TBC1D9: variants seen among roughly 807,000 people sequenced by gnomAD.
TBC1D9 encodes the protein TBC1 domain family member 9A.
TBC1D9 carries 63 observed loss-of-function variants against 132.0 expected under a neutral mutation model. The ratio of observed to expected loss-of-function variants is 0.48; its 90% CI spans 0.39 to 0.59. TBC1D9 has a LOEUF of 0.59. TBC1D9 is among the 20% of genes least tolerant of loss of function. TBC1D9 has a pLI of 0.00. For synonymous variants in TBC1D9, 610 were observed against 609.9 expected (o/e 1.00, Z 0.00); for missense variants, 1,261 against 1,592.7 (o/e 0.79, Z 3.54).
chr4:140,656,957 C>T (rs980544843), intron 13 of TBC1D9, 140 bp downstream of exon 13: 24 of 1,046,354 alleles, frequency 2.3e-5, no homozygotes, highest in Admixed American at 5.9e-5. Flanking sequence ...TGATTTGGGG[C>T]GTCCCAAAGT....
intron 1 of TBC1D9, among the ~76,000 whole-genome samples, chr4:140,717,890 A>G (rs1738363131): frequency 6.6e-6 from 1 of 152,320 alleles, no homozygotes; most frequent in African/African-American, 2.4e-5. Context: ...GTGGTACCCC[A>G]GGAAATGATG....
chr4:140,730,158 C>G (rs1738564829), intron 1 of TBC1D9, among the ~76,000 whole-genome samples: 1 of 152,144 alleles, frequency 6.6e-6, no homozygotes, highest in East Asian at 1.9e-4. Flanking sequence ...CACTAAAAAG[C>G]TTTTTCTAAG....
rs1177223294 is a variant in TBC1D9 at position 140,677,013 on chromosome 4, T to C, written c.940A>G (p.Thr314Ala). 1 of 1,613,814 alleles carries C rather than the reference T, an allele frequency of 6.2e-7. No individual in the cohort carries two copies. The highest frequency in any genetic ancestry group is 8.5e-7 in the Non-Finnish European group (1 of 1,179,870). ...DEKLDGHTDC[T>A]LWTPFNKMHI... ...ATTTTGTTAAATGGAGTCCAGAGAG[T>C]GCAGTCTGTGTGGCCATCTAATTTT... Residue 314 changes from threonine to alanine, a missense_variant, in exon 6 of 21, where the codon ACT becomes GCT. By Grantham distance (58) the Thr-to-Ala change is moderately conservative. This residue lies in a region of TBC1D9 where 550 missense variants were observed against 699.0 expected (regional missense o/e 0.79). Transcript: ENST00000442267.
intron 1 of TBC1D9, among the ~76,000 whole-genome samples, chr4:140,736,943 C>T (rs1452479663): frequency 3.3e-5 from 5 of 152,170 alleles, no homozygotes; most frequent in East Asian, 1.9e-4. Flanking sequence ...TATCAGCAGT[C>T]TCCAATCTTT....
intron 13 of TBC1D9, among the ~76,000 whole-genome samples, chr4:140,646,995 T>C (rs550060843): frequency 6.6e-6 from 1 of 152,308 alleles, no homozygotes; most frequent in South Asian, 2.1e-4. Flanking sequence ...AAAGAAAAAC[T>C]TTCAAGGAAG....
chr4:140,669,101 A>C (rs1737494859), intron 8 of TBC1D9, 34 bp from the exon 9 acceptor site: 1 of 1,609,778 alleles, frequency 6.2e-7, no homozygotes. Context: ...TGACATCCAA[A>C]GTACCCTGAG....
intron 6 of TBC1D9, among the ~76,000 whole-genome samples, chr4:140,674,691 A>AT (rs112044868): frequency 0.043 from 6,300 of 144,936 alleles, 152 homozygotes; most frequent in Middle Eastern, 0.089. Context: ...ATATATATAT[A>AT]TTTTTTTTTA....
intron 13 of TBC1D9, among the ~76,000 whole-genome samples, chr4:140,647,572 T>C (rs1021042790): frequency 1.3e-5 from 2 of 152,198 alleles, no homozygotes; most frequent in African/African-American, 4.8e-5. Flanking sequence ...GAGATAAAGT[T>C]CCAATAATAG....
Position 140,742,031 on chromosome 4 carries a change from T to C in TBC1D9, c.130+13885A>G, listed in dbSNP as rs548706487. Among the ~76,000 whole-genome samples, 459 of 152,264 alleles carry C rather than the reference T, an allele frequency of 3.0e-3. 1 individual carries two copies. Among genetic ancestry groups the C allele is most frequent in the Non-Finnish European group, 5.2e-3 (351 of 68,016 alleles). On this transcript the variant is annotated intron_variant, in intron 1 of 20. Coordinates refer to ENST00000442267, the MANE Select transcript of TBC1D9 (RefSeq NM_015130.3). Reference sequence around the variant, plus strand: ...GCCTGTAACTTGTGCCCCTAAAATGTACAAAATCAAGCTATAACTCAATGA... The same window carrying C: ...GCCTGTAACTTGTGCCCCTAAAATGCACAAAATCAAGCTATAACTCAATGA...
chr4:140,622,015 T>C lies in TBC1D9; in HGVS notation c.*180A>G, dbSNP rs183075493. 13 of 806,894 alleles carry C rather than the reference T, an allele frequency of 1.6e-5. No homozygotes were observed. In the East Asian group the frequency reaches 1.7e-4, roughly 11 times the overall value. 50.0% of individuals were successfully genotyped at this position (806,894 alleles called of 1,614,324 possible). A position where few individuals can be genotyped will look rare whatever the true frequency, so the allele number is the denominator to read the frequency against. On this transcript the variant is annotated 3_prime_UTR_variant, in exon 21 of 21. Transcript: ENST00000442267. ...GCAACAAGAGTGTAATGTACCTACA[T>C]TGAGGTGTTTAAATATTTCTCCAAC...
rs1736740220 is a variant in TBC1D9 at position 140,628,354 on chromosome 4, G to A, written c.2758C>T (p.His920Tyr). 6.2e-7 allele frequency: 1 copy of A among 1,613,886 alleles called. No homozygotes were observed. The highest frequency in any genetic ancestry group is 2.2e-5 in the East Asian group (1 of 44,878). Residue 920 changes from histidine (H) to tyrosine (Y), a missense_variant, in exon 17 of 21, where the codon CAT becomes TAT. His to Tyr is a moderately conservative substitution (Grantham distance 83). Around this residue, in one of 3 missense-constraint regions of TBC1D9, gnomAD observed 618 missense variants for 724.4 expected, o/e 0.85. Coordinates refer to ENST00000442267, the MANE Select transcript of TBC1D9 (RefSeq NM_015130.3). ...EFVSGLSAAC[H>Y]GDLTEKLKLL... ...TTGAGCTTCTCTGTGAGGTCCCCAT[G>A]GCATGCAGCACCTAGAAGTCACATA...
chr4:140,643,119 G>T, intron 13 of TBC1D9: 1 of 1,412,366 alleles, frequency 7.1e-7, no homozygotes, highest in Non-Finnish European at 9.8e-7. Flanking sequence ...TTCTTGAGCG[G>T]GTCCCACCAC....
At chr4:140,709,192 G>A (rs1221859937) in intron 1 of TBC1D9, among the ~76,000 whole-genome samples, 5 of 146,440 alleles carry the variant, frequency 3.4e-5, no homozygotes, top group East Asian at 2.0e-4. Flanking sequence ...GGATGACACC[G>A]TTACCTGTGG....
At chr4:140,701,404 G>T in intron 2 of TBC1D9, 100 bp downstream of exon 2, 1 of 827,828 alleles carries the variant, frequency 1.2e-6, no homozygotes, top group Non-Finnish European at 2.0e-6. Context: ...AAATACCAGT[G>T]ATTGCATTCA....
At position 140,706,553 on chromosome 4, in the gene TBC1D9, C is replaced by G. The variant is rs1292320842; in HGVS notation, c.131-4939G>C. ...ACACTTTGCCTTACCTGCTTCCGAT[C>G]TATTTTTTTTTTTAACAGAAAGAAA... On this transcript the variant is annotated intron_variant, in intron 1 of 20. Coordinates refer to ENST00000442267, the MANE Select transcript of TBC1D9 (RefSeq NM_015130.3). This position sits in a 1 kb window ranked among gnomAD's most constrained non-coding sequence, Gnocchi z 4.0. Among the ~76,000 whole-genome samples the G allele has an allele frequency of 6.6e-6, 1 of 151,984 alleles. No homozygotes were observed. Among genetic ancestry groups the G allele is most frequent in the Non-Finnish European group, 1.5e-5 (1 of 68,002 alleles).
chr4:140,629,008 A>G lies in TBC1D9; in HGVS notation c.2747-643T>C, dbSNP rs545431817. On this transcript the variant is annotated intron_variant, in intron 16 of 20. Transcript: ENST00000442267. Reference sequence around the variant, plus strand: ...AAATCCTTTGTAAATATATATTCTGAGAGCACCTAAAGATAAATGAGATTT... The same window carrying G: ...AAATCCTTTGTAAATATATATTCTGGGAGCACCTAAAGATAAATGAGATTT... Among the ~76,000 whole-genome samples the G allele has an allele frequency of 2.0e-5, 3 of 152,310 alleles. No individual in the cohort carries two copies. In the South Asian group the frequency reaches 6.2e-4, roughly 32 times the overall value.
chr4:140,705,015 C>T (rs1738129057), intron 1 of TBC1D9, among the ~76,000 whole-genome samples: 1 of 152,204 alleles, frequency 6.6e-6, no homozygotes, highest in Non-Finnish European at 1.5e-5. Context: ...AGGATATTCA[C>T]ATTAGATACA....
intron 5 of TBC1D9, 130 bp downstream of exon 5, chr4:140,678,812 T>C (rs1394550128): frequency 2.6e-6 from 3 of 1,146,960 alleles, no homozygotes; most frequent in Non-Finnish European, 3.7e-6. Context: ...TAGTCTTTTT[T>C]AGTTTTGTAT....
rs751600394 is a variant in TBC1D9, at chr4:140,627,464, T to C, written c.2876A>G (p.Asp959Gly). ...AFEATQYFFE[D>G]ITPECTHVVG... is the part of the protein sequence containing the mutation. ...ACCATGTGTACATTCTGGGGTAATATCTTCAAAGAAGTACTGAGTTGCTTC... is the reference window on the plus strand; with the variant it reads ...ACCATGTGTACATTCTGGGGTAATACCTTCAAAGAAGTACTGAGTTGCTTC... The change falls in exon 18 of 21, where the codon GAT becomes GGT. Residue 959 changes from aspartate to glycine, a missense_variant. Physicochemically the swap from Asp to Gly is moderately conservative, Grantham distance 94. Around this residue, in one of 3 missense-constraint regions of TBC1D9, gnomAD observed 618 missense variants for 724.4 expected, o/e 0.85. Transcript: ENST00000442267. 6.2e-7 allele frequency: 1 copy of C among 1,609,336 alleles called. No individual in the cohort carries two copies. Among genetic ancestry groups the C allele is most frequent in the Non-Finnish European group, 8.5e-7 (1 of 1,176,904 alleles).
Sources: allele counts gnomAD v4.1 joint callset (sites outside exome capture counted in the v4.1 genomes callset), GRCh38; gene constraint gnomAD v4.1.1; regional missense constraint gnomAD v4.1.1; non-coding constraint Gnocchi (gnomAD v3.1); transcripts MANE v1.5; gene names NCBI Gene and HGNC (gene_info 2026-07-23, HGNC 2026-07-21).